The following SPTBN4 variants were observed in gnomAD, a reference collection of about 807,000 sequenced individuals.
SPTBN4 encodes spectrin beta, non-erythrocytic 4.
A neutral mutation model predicts 277.8 loss-of-function variants in SPTBN4; 96 were observed. That is an observed-to-expected ratio of 0.35 (90% CI 0.29 to 0.41). The LOEUF is 0.41. Among genes scored for constraint, SPTBN4 ranks in the 10% least tolerant of loss-of-function variants. SPTBN4 has a pLI of 1.00. For missense variants in SPTBN4, 3,006 were observed against 3,595.7 expected, an observed-to-expected ratio of 0.84 and a Z score of 4.19; for synonymous variants, 1,481 against 1,580.3, an observed-to-expected ratio of 0.94 and a Z score of 1.49.
chr19:40,557,394 C>G lies in SPTBN4; in HGVS notation c.5661C>G (p.Leu1887=). 6.4e-7 allele frequency: 1 copy of G among 1,563,948 alleles called. No individual in the cohort carries two copies. The highest frequency in any genetic ancestry group is 8.7e-7 in the Non-Finnish European group (1 of 1,150,746). ...LRAFEHDLQL[L]VSQVRQLQEG... is the part of the protein sequence containing the mutation. Reference sequence around the variant, plus strand: ...CCTTTGAGCATGACCTGCAGCTCCTCGTGTCCCAGGTGGGGCGCCGGTGGC... The same window carrying G: ...CCTTTGAGCATGACCTGCAGCTCCTGGTGTCCCAGGTGGGGCGCCGGTGGC... The change falls in exon 26 of 36, where the codon CTC becomes CTG. Residue 1887 remains leucine, a synonymous_variant. Coordinates refer to ENST00000598249, the MANE Select transcript of SPTBN4 (RefSeq NM_020971.3).
In SPTBN4 at chr19:40,502,437, G is replaced by A. The variant is rs1012969065; in HGVS notation, c.1133G>A (p.Ser378Asn). 5.0e-6 allele frequency: 8 copies of A among 1,613,484 alleles called. No individual in the cohort carries two copies. The highest frequency in any genetic ancestry group is 6.8e-6 in the Non-Finnish European group (8 of 1,179,986). ...NLEVLLFSIQ[S>N]KLRACNRRLF... is the part of the protein sequence containing the mutation. ...GAGGTGCTGCTCTTCAGCATCCAGA[G>A]CAAACTGCGTGCCTGCAACCGTCGC... Residue 378 changes from serine to asparagine, a missense_variant, in exon 10 of 36, where the codon AGC (serine) becomes AAC (asparagine). Ser to Asn is a conservative substitution (Grantham distance 46). This residue lies in a region of SPTBN4 where 1,759 missense variants were observed against 2,061.5 expected (regional missense o/e 0.85). Transcript: ENST00000598249. The surrounding 1 kb of genome is among the most constrained non-coding windows in gnomAD (Gnocchi z 4.9).
At chr19:40,507,193 T>C (rs1336642535) in intron 13 of SPTBN4, among the ~76,000 whole-genome samples, 1 of 151,860 alleles carries the variant, frequency 6.6e-6, no homozygotes, top group Admixed American at 6.6e-5. Context: ...TGCACGCCTG[T>C]AGTCCCAGCC....
chr19:40,478,599 G>T (rs1484403798), intron 2 of SPTBN4, among the ~76,000 whole-genome samples: 1 of 152,068 alleles, frequency 6.6e-6, no homozygotes, highest in Non-Finnish European at 1.5e-5. Flanking sequence ...AGGCTGGAGT[G>T]CAATGGCACG....
chr19:40,506,104 T>G, intron 12 of SPTBN4, 132 bp from the exon 13 acceptor site: 55 of 1,237,736 alleles, frequency 4.4e-5, no homozygotes, highest in East Asian at 4.8e-5. Context: ...TTGAGGCTGG[T>G]CCATATCTCT....
intron 20 of SPTBN4, among the ~76,000 whole-genome samples, chr19:40,539,278 C>T (rs901158837): frequency 3.3e-5 from 5 of 152,250 alleles, no homozygotes; most frequent in African/African-American, 1.2e-4. Flanking sequence ...TCGTCTCTCC[C>T]TCTGAGCCTT....
intron 17 of SPTBN4, among the ~76,000 whole-genome samples, chr19:40,528,170 G>T (rs1246659039): frequency 6.6e-6 from 1 of 151,792 alleles, no homozygotes. Flanking sequence ...TCTCTCCCTG[G>T]GGGAGACAGA....
In SPTBN4 at chr19:40,553,593, G is replaced by A. The variant is rs144011734; in HGVS notation, c.4675-554G>A. 7.2e-5 allele frequency among the ~76,000 whole-genome samples: 11 copies of A among 152,274 alleles called. No individual in the cohort carries two copies. The East Asian group carries it at 1.9e-3, about 27-fold the overall frequency. ...CACAAAAAGTTAAATAAGGTACTCT[G>A]TAAGTAAATAAGGTTAAGGCACACA... On this transcript the variant is annotated intron_variant, in intron 22 of 35. Coordinates refer to ENST00000598249, the MANE Select transcript of SPTBN4 (RefSeq NM_020971.3).
chr19:40,477,116 T>G (rs1433339763), intron 2 of SPTBN4, among the ~76,000 whole-genome samples: 1 of 151,614 alleles, frequency 6.6e-6, no homozygotes, highest in Non-Finnish European at 1.5e-5. Flanking sequence ...CATAGCTCAC[T>G]ACAACCTCCA....
intron 2 of SPTBN4, among the ~76,000 whole-genome samples, chr19:40,476,964 T>A (rs1340004360): frequency 6.6e-6 from 1 of 151,884 alleles, no homozygotes. Flanking sequence ...ACTCCCGGTG[T>A]CAACTCATCC....
At chr19:40,547,626 A>T (rs2080872742) in intron 20 of SPTBN4, among the ~76,000 whole-genome samples, 4 of 152,096 alleles carry the variant, frequency 2.6e-5, no homozygotes, top group Non-Finnish European at 5.9e-5. Flanking sequence ...CAATGGTTGA[A>T]CCAGTTTACA....
In SPTBN4 at chr19:40,570,608, C is replaced by G. The variant is rs747651979; in HGVS notation, c.7199C>G (p.Ser2400Cys). The stretch of plus-strand genomic sequence containing the variant: ...GGCGGGGGAAGCCGGCGCTCGCGCT[C>G]CGCCCCGGCCCAGGGCGGCTCCGCC... ...GEGGGSRRSR[S>C]APAQGGSAPA... is the part of the protein sequence containing the mutation. The change falls in exon 33 of 36, where the codon TCC (serine) becomes TGC (cysteine). Residue 2400 changes from serine to cysteine, a missense_variant. Coordinates refer to ENST00000598249, the MANE Select transcript of SPTBN4 (RefSeq NM_020971.3). The G allele has an allele frequency of 7.2e-7, 1 of 1,395,258 alleles. No homozygotes were observed. Among genetic ancestry groups the G allele is most frequent in the East Asian group, 3.0e-5 (1 of 32,828 alleles). 86.4% of individuals were successfully genotyped at this position (1,395,258 alleles called of 1,614,324 possible). A position where few individuals can be genotyped will look rare whatever the true frequency, so the allele number is the denominator to read the frequency against.
intron 18 of SPTBN4, among the ~76,000 whole-genome samples, chr19:40,530,064 G>C (rs1332304086): frequency 6.6e-6 from 1 of 151,938 alleles, no homozygotes; most frequent in African/African-American, 2.4e-5. Flanking sequence ...GGAACCCCCT[G>C]TTCCCCCTCG....
At chr19:40,507,810 C>G (rs1462189733) in intron 13 of SPTBN4, among the ~76,000 whole-genome samples, 1 of 152,168 alleles carries the variant, frequency 6.6e-6, no homozygotes, top group Non-Finnish European at 1.5e-5. Context: ...ACACTCCAGC[C>G]TAGGTGACAG....
At position 40,472,788 on chromosome 19, in the gene SPTBN4, C is replaced by CTCTTGAGTGCTCCCGGATCA; in HGVS notation, c.167_168insTCTTGAGTGCTCCCGGATCA (p.Asp57LeufsTer22). The CTCTTGAGTGCTCCCGGATCA allele has an allele frequency of 6.5e-7, 1 of 1,533,096 alleles. No homozygotes were observed. Among genetic ancestry groups the CTCTTGAGTGCTCCCGGATCA allele is most frequent in the Non-Finnish European group, 8.8e-7 (1 of 1,134,644 alleles). 95.0% of individuals were successfully genotyped at this position (1,533,096 alleles called of 1,614,324 possible). A position where few individuals can be genotyped will look rare whatever the true frequency, so the allele number is the denominator to read the frequency against. On this transcript the variant is annotated frameshift_variant and splice_region_variant, in exon 2 of 36. Transcript: ENST00000598249. LOFTEE classifies it high-confidence loss of function. The stretch of plus-strand genomic sequence containing the variant: ...GAGTGCTCCCGGATCAAGGCCTTGG[C>CTCTTGAGTGCTCCCGGATCA]AGGTACCTGGAGGAGGGCTGGGGTG...
rs1343968378 is a variant in SPTBN4, at chr19:40,572,119, C to T, written c.7420C>T (p.Leu2474=). Residue 2474 remains leucine (L), a synonymous_variant, in exon 34 of 36, where the codon CTG becomes TTG. Coordinates refer to ENST00000598249, the MANE Select transcript of SPTBN4 (RefSeq NM_020971.3). ...CGGGAGCACACACGGTGGGGAACCG[C>T]TGCTCAGCCTGCACAAGGCCACCAG... ...ASGSTHGGEP[L]LSLHKATSEV... The T allele has an allele frequency of 6.2e-7, 1 of 1,612,428 alleles. No individual in the cohort carries two copies. Among genetic ancestry groups the T allele is most frequent in the Admixed American group, 1.7e-5 (1 of 59,608 alleles).
intron 20 of SPTBN4, among the ~76,000 whole-genome samples, chr19:40,541,911 GTATTTTTT>G (rs2080806297): frequency 6.6e-6 from 1 of 150,816 alleles, no homozygotes; most frequent in South Asian, 2.1e-4. Context: ...GCTAATTTTT[GTATTTTTT>G]TATTTTTATT....
At chr19:40,517,313 A>G (rs1361699769) in intron 15 of SPTBN4, among the ~76,000 whole-genome samples, 2 of 151,154 alleles carry the variant, frequency 1.3e-5, no homozygotes, top group Admixed American at 1.3e-4. Context: ...TTCTTGAGAC[A>G]GGGTCTTGCT....
Position 40,494,879 on chromosome 19 carries a change from C to T in SPTBN4, c.588-18C>T. On this transcript the variant is annotated intron_variant, in intron 5 of 35. Coordinates refer to ENST00000598249, the MANE Select transcript of SPTBN4 (RefSeq NM_020971.3). ...ACTCTCCCCATCTCTGCCTCTGTTT[C>T]TCCCTTCACCCTTCCAGTTACCCTG... The T allele has an allele frequency of 6.2e-7, 1 of 1,613,176 alleles. No homozygotes were observed. The highest frequency in any genetic ancestry group is 8.5e-7 in the Non-Finnish European group (1 of 1,179,296).
Position 40,572,021 on chromosome 19 carries a change from C to T in SPTBN4, c.7322C>T (p.Ser2441Leu). Residue 2441 changes from serine (S) to leucine (L), a missense_variant and splice_region_variant, in exon 34 of 36, where the codon TCG becomes TTG. Ser to Leu is a moderately radical substitution (Grantham distance 145). Coordinates refer to ENST00000598249, the MANE Select transcript of SPTBN4 (RefSeq NM_020971.3). ...LDANRKSSNR[S>L]WVSLYCVLSK... ...TGAGCCCCATCTTGTCGCTCCAGGT[C>T]GTGGGTGAGCCTGTACTGTGTGCTT... 6.5e-7 allele frequency: 1 copy of T among 1,542,526 alleles called. No individual in the cohort carries two copies. Among genetic ancestry groups the T allele is most frequent in the Admixed American group, 2.1e-5 (1 of 47,418 alleles).
Sources: gnomAD v4.1 joint callset for allele counts (sites outside exome capture counted in the v4.1 genomes callset) on GRCh38, gnomAD v4.1.1 for gene constraint, gnomAD v4.1.1 regional missense constraint, Gnocchi (gnomAD v3.1) non-coding constraint, MANE v1.5 for transcripts, NCBI Gene and HGNC (gene_info 2026-07-23, HGNC 2026-07-21) for gene names.